CCDC66: variants seen among roughly 807,000 people sequenced by gnomAD.
CCDC66 encodes coiled-coil domain containing 66.
CCDC66 carries 133 observed loss-of-function variants against 128.3 expected under a neutral mutation model. That is an observed-to-expected ratio of 1.04 (90% CI 0.90 to 1.20). The LOEUF is 1.20. CCDC66 is among the 50% of genes most tolerant of loss of function. The pLI is 0.00. For synonymous variants in CCDC66, 387 were observed against 357.0 expected, an observed-to-expected ratio of 1.08 and a Z score of -0.95; for missense variants, 1,126 against 1,075.5, an observed-to-expected ratio of 1.05 and a Z score of -0.66.
chr3:56,617,764 T>G (rs1467757886), intron 14 of CCDC66, 159 bp downstream of exon 14: 7 of 836,246 alleles, frequency 8.4e-6, no homozygotes. Flanking sequence ...TGCCTGTTTT[T>G]GGAAAGTTTT....
chr3:56,611,490 C>T (rs892898974), intron 10 of CCDC66, among the ~76,000 whole-genome samples: 2 of 150,558 alleles, frequency 1.3e-5, no homozygotes, highest in Admixed American at 6.7e-5. Context: ...GAAAGAAGAC[C>T]TCCCCAGCTG....
rs150977945 is a variant in CCDC66, at chr3:56,606,587, C to T, written c.1405-7002C>T. On this transcript the variant is annotated intron_variant, in intron 10 of 17. Coordinates refer to ENST00000394672, the MANE Select transcript of CCDC66 (RefSeq NM_001141947.3). ...GTTGAGGTGGCGCCTCACCCTGCTT[C>T]GGCTCGCTCTCTGTGGGCTGCACCC... is the stretch of plus-strand genomic sequence containing the variant. Among the ~76,000 whole-genome samples the T allele has an allele frequency of 4.2e-4, 64 of 152,026 alleles. 1 individual carries two copies. In the East Asian group the frequency reaches 0.01, roughly 25 times the overall value.
intron 7 of CCDC66, among the ~76,000 whole-genome samples, chr3:56,578,188 G>A (rs1403889983): frequency 6.6e-6 from 1 of 151,626 alleles, no homozygotes; most frequent in African/African-American, 2.4e-5. Flanking sequence ...GTTGTGAATG[G>A]GAGTTTGCTC....
Position 56,590,302 on chromosome 3 carries a change from T to A in CCDC66, c.937-2668T>A, listed in dbSNP as rs1004502850. On this transcript the variant is annotated intron_variant, in intron 7 of 17. Transcript: ENST00000394672. ...TGTAGTGGACCATTTGAAAAGCCCT[T>A]TATTTTCAGTTGTGACTTAACCAGC... Among the ~76,000 whole-genome samples, 12 of 152,318 alleles carry A rather than the reference T, an allele frequency of 7.9e-5. 1 individual carries two copies. The highest frequency in any genetic ancestry group is 7.8e-4 in the Admixed American group (12 of 15,300).
At chr3:56,616,126 CAATTT>C (rs1327455808) in intron 13 of CCDC66, 73 bp downstream of exon 13, 202 of 1,383,102 alleles carry the variant, frequency 1.5e-4, no homozygotes, top group Middle Eastern at 1.2e-3. Flanking sequence ...GAATTAAGTT[CAATTT>C]AAAAGTTCAA....
At chr3:56,590,011 GT>G (rs1463818973) in intron 7 of CCDC66, among the ~76,000 whole-genome samples, 1 of 152,132 alleles carries the variant, frequency 6.6e-6, no homozygotes, top group Non-Finnish European at 1.5e-5. Flanking sequence ...TCAGCTCTGT[GT>G]TTTGCTGCTG....
At chr3:56,619,560 A>C in intron 16 of CCDC66, 33 bp downstream of exon 16, 1 of 1,537,756 alleles carries the variant, frequency 6.5e-7, no homozygotes, top group Non-Finnish European at 8.7e-7. Flanking sequence ...AACTGTAAAA[A>C]TTGAAGACCC....
intron 2 of CCDC66, 23 bp downstream of exon 2, chr3:56,558,933 G>A (rs1308269429): frequency 1.3e-6 from 2 of 1,485,342 alleles, no homozygotes; most frequent in Admixed American, 2.2e-5. Flanking sequence ...ACAGAAATCT[G>A]AAATGTTAAC....
intron 10 of CCDC66, among the ~76,000 whole-genome samples, chr3:56,611,502 G>C (rs1049617150): frequency 6.7e-6 from 1 of 149,334 alleles, no homozygotes; most frequent in African/African-American, 2.5e-5. Context: ...CCCCAGCTGC[G>C]AAAGAAAACG....
At chr3:56,584,958 G>A (rs529061084) in intron 7 of CCDC66, among the ~76,000 whole-genome samples, 19 of 152,004 alleles carry the variant, frequency 1.2e-4, no homozygotes, top group African/African-American at 3.8e-4. Context: ...CAGGCGTGGC[G>A]GCACACGCCT....
intron 1 of CCDC66, 91 bp downstream of exon 1, chr3:56,557,344 C>T: frequency 6.7e-7 from 1 of 1,488,720 alleles, no homozygotes; most frequent in South Asian, 1.3e-5. Context: ...CCCTTGGAGT[C>T]TTTACTGGAG....
chr3:56,621,480 G>C (rs2076619233), intron 17 of CCDC66, 52 bp from the exon 18 acceptor site: 1 of 1,127,714 alleles, frequency 8.9e-7, no homozygotes, highest in Admixed American at 2.4e-5. Flanking sequence ...ACACAACATT[G>C]CAAGTCAGGT....
chr3:56,588,281 G>A lies in CCDC66; in HGVS notation c.937-4689G>A, dbSNP rs562853369. 2.0e-3 allele frequency among the ~76,000 whole-genome samples: 302 copies of A among 152,298 alleles called. 12 individuals carry two copies. The South Asian group carries it at 0.058, about 29-fold the overall frequency. On this transcript the variant is annotated intron_variant, in intron 7 of 17. Transcript: ENST00000394672. ...GATGCAAAGGCATAAGAATGATACA[G>A]TGGACTTTGAGGACTTATGGAGAAA...
chr3:56,597,273 C>T (rs1463765762), intron 10 of CCDC66, among the ~76,000 whole-genome samples: 1 of 151,966 alleles, frequency 6.6e-6, no homozygotes, highest in Non-Finnish European at 1.5e-5. Context: ...TGTTTTTATA[C>T]CAATACCATG....
chr3:56,617,745 C>T (rs755072512), intron 14 of CCDC66, 140 bp downstream of exon 14: 12 of 1,027,490 alleles, frequency 1.2e-5, no homozygotes, highest in Non-Finnish European at 1.7e-5. Flanking sequence ...ATGGGCAAAT[C>T]CAGGCTGCTG....
At position 56,566,958 on chromosome 3, in the gene CCDC66, A is replaced by T. The variant is rs1473780775; in HGVS notation, c.719A>T (p.Glu240Val). 6.2e-7 allele frequency: 1 copy of T among 1,613,096 alleles called. No individual in the cohort carries two copies. Among genetic ancestry groups the T allele is most frequent in the Non-Finnish European group, 8.5e-7 (1 of 1,179,424 alleles). The change falls in exon 6 of 18, where the codon GAA (glutamate) becomes GTA (valine). Residue 240 changes from glutamate (E) to valine (V), a missense_variant. Physicochemically the swap from Glu to Val is moderately radical, Grantham distance 121 (BLOSUM62 -2). Coordinates refer to ENST00000394672, the MANE Select transcript of CCDC66 (RefSeq NM_001141947.3). Reference protein sequence around the residue: ...QCEQKIAIENEWKPADIFSTL... With the variant: ...QCEQKIAIENVWKPADIFSTL... ...TTTGTGTTTTACCTTAGAGAGAATG[A>T]ATGGAAACCAGCTGATATATTCAGT...
chr3:56,559,243 G>A (rs953625416), intron 2 of CCDC66, among the ~76,000 whole-genome samples: 9 of 152,084 alleles, frequency 5.9e-5, no homozygotes, highest in Non-Finnish European at 8.8e-5. Flanking sequence ...TGTATCATTT[G>A]AGAAAAGTTT....
At chr3:56,584,164 C>G (rs1368155117) in intron 7 of CCDC66, among the ~76,000 whole-genome samples, 4 of 148,820 alleles carry the variant, frequency 2.7e-5, no homozygotes, top group African/African-American at 9.8e-5. Flanking sequence ...GGCGGCCCCC[C>G]ACCTCCCGGG....
At chr3:56,602,998 C>G (rs1233111701) in intron 10 of CCDC66, among the ~76,000 whole-genome samples, 1 of 151,584 alleles carries the variant, frequency 6.6e-6, no homozygotes, top group Non-Finnish European at 1.5e-5. Context: ...TCACACCCAG[C>G]TAATTTTTTG....
Sources: gnomAD v4.1 joint callset for allele counts (sites outside exome capture counted in the v4.1 genomes callset) on GRCh38, gnomAD v4.1.1 for gene constraint, MANE v1.5 for transcripts, NCBI Gene and HGNC (gene_info 2026-07-23, HGNC 2026-07-21) for gene names.